The following CARMIL3 variants were observed in gnomAD, a reference collection of about 807,000 sequenced individuals.
CARMIL3 encodes capping protein regulator and myosin 1 linker 3, also known as capping protein, Arp2/3 and myosin-I linker protein 3.
A neutral mutation model predicts 180.8 loss-of-function variants in CARMIL3; 88 were observed. The ratio of observed to expected loss-of-function variants is 0.49; its 90% CI spans 0.41 to 0.58. The LOEUF (loss-of-function observed/expected upper bound fraction) is 0.58, where lower values mean the gene tolerates loss of function less well. CARMIL3 is among the 20% of genes least tolerant of loss of function. The pLI, the probability that CARMIL3 is intolerant of heterozygous loss-of-function variation, is 0.00. For synonymous variants in CARMIL3, 696 were observed against 714.5 expected (o/e 0.97, Z 0.41); for missense variants, 1,548 against 1,787.0 (o/e 0.87, Z 2.41).
chr14:24,060,189 C>T lies in CARMIL3; in HGVS notation c.1995C>T (p.Ser665=). Residue 665 remains serine (S), a synonymous_variant, in exon 24 of 40, where the codon TCC becomes TCT. Coordinates refer to ENST00000342740, the MANE Select transcript of CARMIL3 (RefSeq NM_138360.4). ...GGTGCTTAGTGAGGAACAACCACTC[C>T]CAGACGTGCCCCCAGGAGCAGGCCT... is the stretch of plus-strand genomic sequence containing the variant. ...IQWCLVRNNH[S]QTCPQEQAFR... is the part of the protein sequence containing the mutation. The T allele has an allele frequency of 1.2e-6, 2 of 1,614,214 alleles. No individual in the cohort carries two copies. Among genetic ancestry groups the T allele is most frequent in the Middle Eastern group, 1.6e-4 (1 of 6,062 alleles).
intron 1 of CARMIL3, 83 bp downstream of exon 1, chr14:24,052,276 C>A: frequency 7.2e-7 from 1 of 1,393,988 alleles, no homozygotes; most frequent in Non-Finnish European, 9.6e-7. Flanking sequence ...TGCATCCCAG[C>A]CCGGTGTCTC....
In CARMIL3 at chr14:24,054,839, C is replaced by T. The variant is rs371625864; in HGVS notation, c.460+31C>T. Reference sequence around the variant, plus strand: ...CAGGGGCAGATGTGAGGAAAGTAGGCGCTCCACCATCTTGCCCCATGATCA... The same window carrying T: ...CAGGGGCAGATGTGAGGAAAGTAGGTGCTCCACCATCTTGCCCCATGATCA... On this transcript the variant is annotated intron_variant, in intron 6 of 39. Transcript: ENST00000342740. This position sits in a 1 kb window ranked among gnomAD's most constrained non-coding sequence, Gnocchi z 5.1. 1.0e-5 allele frequency: 16 copies of T among 1,592,270 alleles called. No individual in the cohort carries two copies. The African/African-American group carries it at 1.1e-4, about 11-fold the overall frequency.
Position 24,052,134 on chromosome 14 carries a change from C to G in CARMIL3, c.-20C>G. The G allele has an allele frequency of 6.4e-7, 1 of 1,568,062 alleles. No homozygotes were observed. Among genetic ancestry groups the G allele is most frequent in the East Asian group, 2.4e-5 (1 of 41,080 alleles). On this transcript the variant is annotated 5_prime_UTR_variant, in exon 1 of 40. Transcript: ENST00000342740. ...GGCGGCGGCGGCTCCTCTGCAGCAGCCTCAGCAGCAGCGGCCGCCATGGCC... is the reference window on the plus strand; with the variant it reads ...GGCGGCGGCGGCTCCTCTGCAGCAGGCTCAGCAGCAGCGGCCGCCATGGCC...
chr14:24,054,555 G>A lies in CARMIL3; in HGVS notation c.362+44G>A. On this transcript the variant is annotated intron_variant, in intron 5 of 39. Transcript: ENST00000342740. The surrounding 1 kb of genome is among the most constrained non-coding windows in gnomAD (Gnocchi z 5.1). ...GTCTCTTAAGGCATTAGATGAGAGG[G>A]AGAGTTCATCCCTTCCTCCTTCCCC... 1 of 1,577,554 alleles carries A rather than the reference G, an allele frequency of 6.3e-7. No homozygotes were observed. The highest frequency in any genetic ancestry group is 1.1e-5 in the South Asian group (1 of 90,222).
Position 24,055,598 on chromosome 14 carries a change from T to C in CARMIL3, c.661T>C (p.Tyr221His). Residue 221 changes from tyrosine (Y) to histidine (H), a missense_variant, in exon 9 of 40, where the codon TAC becomes CAC. Coordinates refer to ENST00000342740, the MANE Select transcript of CARMIL3 (RefSeq NM_138360.4). Reference sequence around the variant, plus strand: ...CTACAACCAGTGGTTCACCAAACTCTACTGCAAGGACTTGCGGCTGGTAGG... The same window carrying C: ...CTACAACCAGTGGTTCACCAAACTCCACTGCAAGGACTTGCGGCTGGTAGG... ...LAYNQWFTKL[Y>H]CKDLRLGSEV... 6.2e-7 allele frequency: 1 copy of C among 1,614,124 alleles called. No homozygotes were observed. The highest frequency in any genetic ancestry group is 8.5e-7 in the Non-Finnish European group (1 of 1,180,026).
chr14:24,061,328 A>G lies in CARMIL3; in HGVS notation c.2305-169A>G, dbSNP rs1277415961. 5.7e-6 allele frequency: 4 copies of G among 703,280 alleles called. No individual in the cohort carries two copies. Among genetic ancestry groups the G allele is most frequent in the Admixed American group, 5.9e-5 (2 of 33,952 alleles). 43.6% of individuals were successfully genotyped at this position (703,280 alleles called of 1,614,324 possible). A position where few individuals can be genotyped will look rare whatever the true frequency, so the allele number is the denominator to read the frequency against. ...GTAGGGTGGAAGGAGCACTGACCAG[A>G]AAGTGGGGAAGCCTTAGTGTCCAAG... is the stretch of plus-strand genomic sequence containing the variant. On this transcript the variant is annotated intron_variant, in intron 26 of 39. Coordinates refer to ENST00000342740, the MANE Select transcript of CARMIL3 (RefSeq NM_138360.4). This position sits in a 1 kb window ranked among gnomAD's most constrained non-coding sequence, Gnocchi z 4.1.
At chr14:24,055,447 A>G in intron 8 of CARMIL3, 96 bp from the exon 9 acceptor site, 1 of 1,507,872 alleles carries the variant, frequency 6.6e-7, no homozygotes, top group Non-Finnish European at 9.2e-7. Flanking sequence ...CTACCCATTT[A>G]GGCCTTCCCC....
At chr14:24,065,957 C>T (rs985873581) in intron 34 of CARMIL3, among the ~76,000 whole-genome samples, 2 of 152,160 alleles carry the variant, frequency 1.3e-5, no homozygotes, top group African/African-American at 4.8e-5. Context: ...TCCTTCTTTA[C>T]TGTAAAATGA....
chr14:24,057,989 A>G lies in CARMIL3; in HGVS notation c.1247A>G (p.Lys416Arg), dbSNP rs147599179. Residue 416 changes from lysine to arginine, a missense_variant, in exon 16 of 40, where the codon AAG (lysine) becomes AGG (arginine). This residue lies in a region of CARMIL3 where 578 missense variants were observed against 666.5 expected (regional missense o/e 0.87). Transcript: ENST00000342740. ...RKGREAPPAF[K>R]QFFSSAYTLS... ...GGTCGAGAGGCCCCGCCGGCCTTCA[A>G]GCAGTTCTTCAGCAGCGCCTACACA... 1.1e-4 allele frequency: 177 copies of G among 1,613,726 alleles called. 2 individuals carry two copies. The African/African-American group carries it at 1.8e-3, about 17-fold the overall frequency.
At position 24,059,511 on chromosome 14, in the gene CARMIL3, C is replaced by A; in HGVS notation, c.1799+69C>A. 1 of 1,529,394 alleles carries A rather than the reference C, an allele frequency of 6.5e-7. No individual in the cohort carries two copies. Among genetic ancestry groups the A allele is most frequent in the Non-Finnish European group, 8.8e-7 (1 of 1,130,400 alleles). 94.7% of individuals were successfully genotyped at this position (1,529,394 alleles called of 1,614,324 possible). Reference sequence around the variant, plus strand: ...TCCCCATATGTACATAATCTCCCTGCTTTCCTTGATGCTCTGGACCCCAGC... The same window carrying A: ...TCCCCATATGTACATAATCTCCCTGATTTCCTTGATGCTCTGGACCCCAGC... On this transcript the variant is annotated intron_variant, in intron 21 of 39. Transcript: ENST00000342740. The surrounding 1 kb of genome is among the most constrained non-coding windows in gnomAD (Gnocchi z 6.3).
chr14:24,067,726 C>T (rs560110098), intron 36 of CARMIL3, among the ~76,000 whole-genome samples: 29 of 152,394 alleles, frequency 1.9e-4, no homozygotes, highest in South Asian at 6.2e-4. Context: ...TTTAGGAAAC[C>T]GCAATAGTCA....
chr14:24,057,363 G>C, intron 14 of CARMIL3, 119 bp downstream of exon 14: 8 of 881,848 alleles, frequency 9.1e-6, no homozygotes, highest in African/African-American at 1.7e-5. Context: ...ATGACTTCAG[G>C]TTCAGCTGAA....
At chr14:24,065,326 C>A (rs1158735491) in intron 33 of CARMIL3, 53 bp downstream of exon 33, 3 of 1,421,454 alleles carry the variant, frequency 2.1e-6, no homozygotes, top group African/African-American at 2.9e-5. Context: ...CCACACTTAA[C>A]CCAGTCTCCT....
chr14:24,059,820 C>G lies in CARMIL3; in HGVS notation c.1868+88C>G. ...TGAACTACTCTTGCCCCACCCTAGC[C>G]CCTTTGACCTATTTGCACAGAAATT... is the stretch of plus-strand genomic sequence containing the variant. On this transcript the variant is annotated intron_variant, in intron 22 of 39. Transcript: ENST00000342740. The surrounding 1 kb of genome is among the most constrained non-coding windows in gnomAD (Gnocchi z 6.3). 6 of 1,543,184 alleles carry G rather than the reference C, an allele frequency of 3.9e-6. No individual in the cohort carries two copies. The South Asian group carries it at 5.6e-5, about 14-fold the overall frequency.
intron 14 of CARMIL3, among the ~76,000 whole-genome samples, chr14:24,057,453 C>T (rs1468037030): frequency 6.6e-6 from 1 of 152,160 alleles, no homozygotes; most frequent in Middle Eastern, 3.2e-3. Context: ...GCTTAAAAGC[C>T]AGCCCTTGCT....
rs772182343 is a variant in CARMIL3, at chr14:24,054,808, G to A, written c.460G>A (p.Gly154Ser). ...TSTSTTHSVC[G>S]GFSETYAALC... ...CACATCTACCACCCACAGTGTCTGC[G>A]GTGAGCAGGGGCAGATGTGAGGAAA... is the stretch of plus-strand genomic sequence containing the variant. The change falls in exon 6 of 40, where the codon GGT (glycine) becomes AGT (serine). Residue 154 changes from glycine (G) to serine (S), a missense_variant and splice_region_variant. Coordinates refer to ENST00000342740, the MANE Select transcript of CARMIL3 (RefSeq NM_138360.4). The surrounding 1 kb of genome is among the most constrained non-coding windows in gnomAD (Gnocchi z 5.1). 2 of 1,613,262 alleles carry A rather than the reference G, an allele frequency of 1.2e-6. No individual in the cohort carries two copies. The highest frequency in any genetic ancestry group is 1.1e-5 in the South Asian group (1 of 91,016).
At position 24,052,032 on chromosome 14, in the gene CARMIL3, G is replaced by T. The variant is rs1258666248; in HGVS notation, c.-122G>T. On this transcript the variant is annotated 5_prime_UTR_variant, in exon 1 of 40. Coordinates refer to ENST00000342740, the MANE Select transcript of CARMIL3 (RefSeq NM_138360.4). Reference sequence around the variant, plus strand: ...TCAAGCAGCCGCCCCTGACCGGAGCGGGCTCGGCCGCTGCTGCAGCGCTCA... The same window carrying T: ...TCAAGCAGCCGCCCCTGACCGGAGCTGGCTCGGCCGCTGCTGCAGCGCTCA... The T allele has an allele frequency of 6.3e-6, 6 of 949,218 alleles. No individual in the cohort carries two copies. Among genetic ancestry groups the T allele is most frequent in the Non-Finnish European group, 8.6e-6 (6 of 697,210 alleles). 58.8% of individuals were successfully genotyped at this position (949,218 alleles called of 1,614,324 possible). A position where few individuals can be genotyped will look rare whatever the true frequency, so the allele number is the denominator to read the frequency against.
chr14:24,054,979 C>T lies in CARMIL3; in HGVS notation c.461-87C>T. The stretch of plus-strand genomic sequence containing the variant: ...ATAGCAAGAACCAAGAGCACTGGCA[C>T]ATAAAGTGACCTTGACTGTTCTTGA... On this transcript the variant is annotated intron_variant, in intron 6 of 39. Transcript: ENST00000342740. The surrounding 1 kb of genome is among the most constrained non-coding windows in gnomAD (Gnocchi z 5.1). 2 of 1,483,232 alleles carry T rather than the reference C, an allele frequency of 1.3e-6. No homozygotes were observed. The highest frequency in any genetic ancestry group is 1.2e-5 in the South Asian group (1 of 85,468). The allele number at this position is 1,483,232 out of a possible 1,614,324, so 91.9% of individuals were successfully genotyped here.
At chr14:24,062,387 C>T (rs1446082760) in intron 27 of CARMIL3, 93 bp from the exon 28 acceptor site, 17 of 1,161,830 alleles carry the variant, frequency 1.5e-5, no homozygotes, top group Admixed American at 3.4e-5. Flanking sequence ...GCCAGCTGGC[C>T]GTTCTCTCAG....
Sources: allele counts gnomAD v4.1 joint callset (sites outside exome capture counted in the v4.1 genomes callset), GRCh38; gene constraint gnomAD v4.1.1; regional missense constraint gnomAD v4.1.1; non-coding constraint Gnocchi (gnomAD v3.1); transcripts MANE v1.5; gene names NCBI Gene and HGNC (gene_info 2026-07-23, HGNC 2026-07-21).